The following NRG1 variants were observed in gnomAD, a reference collection of about 807,000 sequenced individuals.
NRG1 encodes the protein neuregulin 1, also known as pro-neuregulin-1, membrane-bound isoform.
In NRG1, 18 loss-of-function variants were observed where a neutral mutation model predicts 63.8. That is an observed-to-expected ratio of 0.28 (90% confidence interval 0.19 to 0.42). NRG1 has a LOEUF of 0.42. Among genes scored for constraint, NRG1 ranks in the 10% least tolerant of loss-of-function variants. The pLI, the probability that NRG1 is intolerant of heterozygous loss-of-function variation, is 1.00. For missense variants in NRG1, 762 were observed against 814.7 expected (o/e 0.94, Z 0.79); for synonymous variants, 302 against 301.3 (o/e 1.00, Z -0.02).
intron 1 of NRG1, among the ~76,000 whole-genome samples, chr8:32,285,297 A>G (rs184278938): frequency 6.6e-6 from 1 of 152,090 alleles, no homozygotes; most frequent in Admixed American, 6.5e-5. Flanking sequence ...CATCTGCTGC[A>G]CTGGTGATAG....
At chr8:31,908,680 T>C (rs1044436385) in intron 1 of NRG1, among the ~76,000 whole-genome samples, 1 of 152,224 alleles carries the variant, frequency 6.6e-6, no homozygotes. Flanking sequence ...CAAAATATTA[T>C]GTAAATATTG....
chr8:32,494,457 T>C (rs1161208300), intron 1 of NRG1, among the ~76,000 whole-genome samples: 2 of 152,194 alleles, frequency 1.3e-5, no homozygotes, highest in Non-Finnish European at 2.9e-5. Flanking sequence ...AGTGATCCAT[T>C]TGTTAATTTT....
At chr8:32,296,556 A>G (rs954768944) in intron 1 of NRG1, among the ~76,000 whole-genome samples, 2 of 150,872 alleles carry the variant, frequency 1.3e-5, no homozygotes, top group Admixed American at 6.6e-5. Flanking sequence ...GGAGGTTGCA[A>G]TGAGCCAAGA....
intron 1 of NRG1, among the ~76,000 whole-genome samples, chr8:31,725,822 G>A (rs1434740336): frequency 6.6e-6 from 1 of 152,110 alleles, no homozygotes; most frequent in East Asian, 1.9e-4. Context: ...ATTACAGTTA[G>A]GGTGAAGAGA....
intron 1 of NRG1, among the ~76,000 whole-genome samples, chr8:32,289,075 T>C (rs2129473885): frequency 6.6e-6 from 1 of 152,356 alleles, no homozygotes; most frequent in South Asian, 2.1e-4. Context: ...GTTATAGATT[T>C]TGTCTCTTTA....
intron 1 of NRG1, among the ~76,000 whole-genome samples, chr8:32,310,611 CCATTCAGTGAGAATG>C (rs1315413382): frequency 1.3e-5 from 2 of 152,070 alleles, no homozygotes; most frequent in African/African-American, 4.8e-5. Flanking sequence ...TTTATAGAAC[CCATTCAGTGAGAATG>C]CAGGAGAAGT....
intron 1 of NRG1, among the ~76,000 whole-genome samples, chr8:32,449,377 A>T (rs936765892): frequency 6.6e-6 from 1 of 151,710 alleles, no homozygotes; most frequent in African/African-American, 2.4e-5. Flanking sequence ...ACTGAAGTAC[A>T]TCAAGCCTAG....
intron 6 of NRG1, among the ~76,000 whole-genome samples, chr8:32,733,374 G>A (rs1333158633): frequency 6.6e-6 from 1 of 151,940 alleles, no homozygotes; most frequent in African/African-American, 2.4e-5. Flanking sequence ...ATAAGAGACA[G>A]GTATGAAAAA....
chr8:32,477,711 TA>T, intron 1 of NRG1, among the ~76,000 whole-genome samples: 1 of 152,272 alleles, frequency 6.6e-6, no homozygotes, highest in Non-Finnish European at 1.5e-5. Context: ...TACAGAAAGA[TA>T]AAAACTAAAT....
At chr8:32,289,845 G>A (rs1014493504) in intron 1 of NRG1, among the ~76,000 whole-genome samples, 11 of 152,090 alleles carry the variant, frequency 7.2e-5, no homozygotes, top group East Asian at 1.9e-4. Flanking sequence ...AGGTCAAAAC[G>A]ATAAGTTTAA....
At chr8:31,643,583 A>G (rs557637341) in intron 1 of NRG1, among the ~76,000 whole-genome samples, 1 of 152,366 alleles carries the variant, frequency 6.6e-6, no homozygotes, top group East Asian at 1.9e-4. Context: ...ACAACATGGA[A>G]ATTCATAGCT....
intron 1 of NRG1, among the ~76,000 whole-genome samples, chr8:32,075,621 A>T (rs552229468): frequency 5.7e-4 from 87 of 152,246 alleles, no homozygotes; most frequent in African/African-American, 2.0e-3. Flanking sequence ...CTGCATTTTT[A>T]AAATTAATAT....
At chr8:31,851,421 A>G (rs755610577) in intron 1 of NRG1, among the ~76,000 whole-genome samples, 4 of 152,314 alleles carry the variant, frequency 2.6e-5, no homozygotes, top group Admixed American at 1.3e-4. Flanking sequence ...GTGTCCTGAA[A>G]TATCTAAAAT....
intron 1 of NRG1, among the ~76,000 whole-genome samples, chr8:32,225,606 A>C (rs1234703197): frequency 6.6e-6 from 1 of 152,186 alleles, no homozygotes; most frequent in Non-Finnish European, 1.5e-5. Context: ...TATATGTGAT[A>C]TATGCAATAC....
rs1818654057 is a variant in NRG1, at chr8:32,033,952, G to A, written c.37+394521G>A. On this transcript the variant is annotated intron_variant, in intron 1 of 10. Transcript: ENST00000519301. ...GAATATCACTTATTTCTTTCTCTTT[G>A]CCTGATTGCTCTGGCCATAACTTTG... is the stretch of plus-strand genomic sequence containing the variant. Among the ~76,000 whole-genome samples the A allele has an allele frequency of 2.6e-5, 4 of 152,198 alleles. No individual in the cohort carries two copies. The South Asian group carries it at 8.3e-4, about 32-fold the overall frequency.
rs189454448 is a variant in NRG1, at chr8:32,075,947, A to G, written c.37+436516A>G. Among the ~76,000 whole-genome samples the G allele has an allele frequency of 1.7e-3, 261 of 152,336 alleles. 1 individual carries two copies. The highest frequency in any genetic ancestry group is 6.8e-3 in the Middle Eastern group (2 of 294). ...CTTGGCCTCCCAGAGTGCTGGGATT[A>G]CAGGCATGAACCACCGCGCTCGGCC... On this transcript the variant is annotated intron_variant, in intron 1 of 10. Transcript: ENST00000519301.
chr8:32,245,349 A>T (rs1376189067), intron 1 of NRG1, among the ~76,000 whole-genome samples: 6 of 152,162 alleles, frequency 3.9e-5, no homozygotes, highest in Non-Finnish European at 8.8e-5. Flanking sequence ...CCAGATATTG[A>T]AGCAAACTGG....
chr8:32,050,796 G>C (rs746523042), intron 1 of NRG1, among the ~76,000 whole-genome samples: 1 of 152,158 alleles, frequency 6.6e-6, no homozygotes, highest in Non-Finnish European at 1.5e-5. Flanking sequence ...AAGGAACAAA[G>C]CAATGAGCAG....
intron 1 of NRG1, among the ~76,000 whole-genome samples, chr8:32,310,921 C>T (rs990381488): frequency 6.6e-6 from 1 of 152,178 alleles, no homozygotes; most frequent in Non-Finnish European, 1.5e-5. Flanking sequence ...CTACCTGGAA[C>T]ATCTTGGTTC....
Sources: allele counts gnomAD v4.1 joint callset (sites outside exome capture counted in the v4.1 genomes callset), GRCh38; gene constraint gnomAD v4.1.1; transcripts MANE v1.5; gene names NCBI Gene and HGNC (gene_info 2026-07-23, HGNC 2026-07-21).